Variants in TCF20 observed in about 807,000 individuals in gnomAD.
TCF20 encodes transcription factor 20.
A neutral mutation model predicts 148.6 loss-of-function variants in TCF20; 3 were observed. That is an observed-to-expected ratio of 0.02 (90% confidence interval 0.01 to 0.05). The LOEUF is 0.05. Ranked by LOEUF, TCF20 falls within the 10% of genes least tolerant of loss-of-function variation. TCF20 has a pLI of 1.00. For missense variants in TCF20, 2,350 were observed against 2,429.3 expected, an observed-to-expected ratio of 0.97 and a Z score of 0.69; for synonymous variants, 1,049 against 909.5, an observed-to-expected ratio of 1.15 and a Z score of -2.76.
At position 42,254,076 on chromosome 22, in the gene TCF20, C is replaced by CAAA. The variant is rs528387021; in HGVS notation, c.-37+16260_-37+16262dup. The stretch of plus-strand genomic sequence containing the variant: ...GGGCAACAAGAGCAAAACTCCCTTT[C>CAAA]AAAAAAAAAAAAAAAAAAAAAAAGT... On this transcript the variant is annotated intron_variant, in intron 1 of 5. Transcript: ENST00000677622. Among the ~76,000 whole-genome samples the CAAA allele has an allele frequency of 9.2e-3, 493 of 53,556 alleles. 3 individuals carry two copies. Among genetic ancestry groups the CAAA allele is most frequent in the Non-Finnish European group, 0.014 (337 of 24,068 alleles). 35.1% of individuals were successfully genotyped at this position (53,556 alleles called of 152,430 possible). A position where few individuals can be genotyped will look rare whatever the true frequency, so the allele number is the denominator to read the frequency against.
At chr22:42,242,157 C>G (rs1384395023) in intron 1 of TCF20, among the ~76,000 whole-genome samples, 2 of 133,964 alleles carry the variant, frequency 1.5e-5, no homozygotes, top group East Asian at 4.4e-4. Flanking sequence ...GAGCCGAAAT[C>G]GCACCACCGC....
At chr22:42,331,633 T>C (rs1037164333) in intron 1 of TCF20, among the ~76,000 whole-genome samples, 2 of 152,234 alleles carry the variant, frequency 1.3e-5, no homozygotes, top group African/African-American at 4.8e-5. Flanking sequence ...TCCCTTGACA[T>C]GTCTAGGGCT....
intron 1 of TCF20, among the ~76,000 whole-genome samples, chr22:42,304,058 C>T (rs746963478): frequency 6.6e-6 from 1 of 151,888 alleles, no homozygotes; most frequent in Non-Finnish European, 1.5e-5. Context: ...AAAGCTAGGT[C>T]CCAGCCAGCC....
rs547489859 is a variant in TCF20, at chr22:42,254,853, T to C, written c.-37+15486A>G. On this transcript the variant is annotated intron_variant, in intron 1 of 5. Coordinates refer to ENST00000677622, the MANE Select transcript of TCF20 (RefSeq NM_001378418.1). ...GGAGGCGGGCGCCTGTAGTCCCAAATACTCTGGAGGCTGAGGCAGGAGAAT... is the reference window on the plus strand; with the variant it reads ...GGAGGCGGGCGCCTGTAGTCCCAAACACTCTGGAGGCTGAGGCAGGAGAAT... Among the ~76,000 whole-genome samples, 4 of 147,728 alleles carry C rather than the reference T, an allele frequency of 2.7e-5. No individual in the cohort carries two copies. In the East Asian group the frequency reaches 8.2e-4, roughly 30 times the overall value.
At chr22:42,252,307 AAAAG>A (rs1487771862) in intron 1 of TCF20, among the ~76,000 whole-genome samples, 1 of 151,876 alleles carries the variant, frequency 6.6e-6, no homozygotes, top group Non-Finnish European at 1.5e-5. Context: ...AAAAATAAAA[AAAAG>A]AACTGTCTCT....
At chr22:42,334,932 C>T (rs892631970) in intron 1 of TCF20, among the ~76,000 whole-genome samples, 4 of 152,106 alleles carry the variant, frequency 2.6e-5, no homozygotes, top group Non-Finnish European at 4.4e-5. Context: ...TCTAGCAGGG[C>T]CTCAGGATGA....
At position 42,259,396 on chromosome 22, in the gene TCF20, T is replaced by C. The variant is rs1350364233; in HGVS notation, c.-37+10943A>G. On this transcript the variant is annotated intron_variant, in intron 1 of 5. Coordinates refer to ENST00000677622, the MANE Select transcript of TCF20 (RefSeq NM_001378418.1). ...GAAACAACTTCTCTACATACTTACA[T>C]TATTAATCTACCCCTAAGGGCAACC... Among the ~76,000 whole-genome samples the C allele has an allele frequency of 2.6e-5, 4 of 152,302 alleles. No individual in the cohort carries two copies. In the East Asian group the frequency reaches 7.7e-4, roughly 29 times the overall value.
chr22:42,342,358 T>C (rs1601713173), intron 1 of TCF20, among the ~76,000 whole-genome samples: 1 of 152,062 alleles, frequency 6.6e-6, no homozygotes, highest in African/African-American at 2.4e-5. Context: ...GGGTGGGTAC[T>C]GGGTGGAAGT....
rs2147032476 is a variant in TCF20 at position 42,299,245 on chromosome 22, A to G, written c.-37+44234T>C. Among the ~76,000 whole-genome samples the G allele has an allele frequency of 6.6e-6, 1 of 152,274 alleles. No homozygotes were observed. The highest frequency in any genetic ancestry group is 2.4e-5 in the African/African-American group (1 of 41,550). ...CAACCAGTGAGCCCAGAGGACAATC[A>G]CAGGGAGGACGGCGGCAAGGAGGTG... On this transcript the variant is annotated intron_variant, in intron 1 of 1. Coordinates refer to the TCF20 transcript ENST00000515426. This position sits in a 1 kb window ranked among gnomAD's most constrained non-coding sequence, Gnocchi z 4.1.
chr22:42,227,824 C>A (rs900282946), intron 1 of TCF20, among the ~76,000 whole-genome samples: 1 of 152,204 alleles, frequency 6.6e-6, no homozygotes, highest in Non-Finnish European at 1.5e-5. Flanking sequence ...GTATTCTTCC[C>A]AGGACATTGC....
At chr22:42,273,179 G>A (rs368540865), upstream of TCF20, among the ~76,000 whole-genome samples, 4 of 151,664 alleles carry the variant, frequency 2.6e-5, no homozygotes, top group South Asian at 2.1e-4. Context: ...GACCAACATG[G>A]TGAAACCCTG....
chr22:42,192,646 G>C (rs1937393810), intron 2 of TCF20, among the ~76,000 whole-genome samples: 1 of 151,776 alleles, frequency 6.6e-6, no homozygotes, highest in African/African-American at 2.4e-5. Context: ...ACTACCACAG[G>C]ATCACTGGTC....
At chr22:42,232,977 C>G (rs1215426225) in intron 1 of TCF20, among the ~76,000 whole-genome samples, 1 of 152,048 alleles carries the variant, frequency 6.6e-6, no homozygotes, top group Non-Finnish European at 1.5e-5. Flanking sequence ...CTGGAGTGCA[C>G]TGGTGCAATC....
At chr22:42,251,607 A>C (rs1038318350) in intron 1 of TCF20, among the ~76,000 whole-genome samples, 3 of 134,868 alleles carry the variant, frequency 2.2e-5, no homozygotes, top group African/African-American at 8.4e-5. Flanking sequence ...TGTTCAAGTG[A>C]TTCTCGTGCC....
intron 2 of TCF20, among the ~76,000 whole-genome samples, chr22:42,187,403 A>T (rs2040013329): frequency 6.6e-6 from 1 of 152,212 alleles, no homozygotes; most frequent in South Asian, 2.1e-4. Context: ...ACAGATCCTG[A>T]CAAGTATTTG....
chr22:42,231,443 C>A (rs1294374460), intron 1 of TCF20, among the ~76,000 whole-genome samples: 1 of 152,164 alleles, frequency 6.6e-6, no homozygotes, highest in Non-Finnish European at 1.5e-5. Flanking sequence ...GACTGTGCCA[C>A]TGCACTCCAG....
At chr22:42,251,798 T>C (rs370724959) in intron 1 of TCF20, among the ~76,000 whole-genome samples, 3 of 151,352 alleles carry the variant, frequency 2.0e-5, no homozygotes, top group East Asian at 3.9e-4. Context: ...CCACCGCACC[T>C]GGCCCAAATA....
intron 1 of TCF20, among the ~76,000 whole-genome samples, chr22:42,295,373 G>A (rs1446152308): frequency 1.3e-5 from 2 of 151,766 alleles, no homozygotes; most frequent in East Asian, 3.9e-4. Context: ...TGGCAAGCCT[G>A]CTGCTGCCTT....
chr22:42,263,418 T>C (rs955957892), intron 1 of TCF20, among the ~76,000 whole-genome samples: 2 of 152,132 alleles, frequency 1.3e-5, no homozygotes, highest in African/African-American at 4.8e-5. Context: ...GCTTCATCCT[T>C]AGGGCACTTC....
Sources: allele counts gnomAD v4.1 joint callset (sites outside exome capture counted in the v4.1 genomes callset), GRCh38; gene constraint gnomAD v4.1.1; non-coding constraint Gnocchi (gnomAD v3.1); transcripts MANE v1.5; gene names NCBI Gene and HGNC (gene_info 2026-07-23, HGNC 2026-07-21).